The following DOCK2 variants were observed in gnomAD, a reference collection of about 807,000 sequenced individuals.
DOCK2 encodes dedicator of cytokinesis 2, also known as dedicator of cytokinesis protein 2.
DOCK2 carries 87 observed loss-of-function variants against 248.9 expected under a neutral mutation model. The ratio of observed to expected loss-of-function variants is 0.35; its 90% CI spans 0.29 to 0.42. DOCK2 has a LOEUF of 0.42. Among genes scored for constraint, DOCK2 ranks in the 10% least tolerant of loss-of-function variants. The pLI is 1.00. For synonymous variants in DOCK2, 805 were observed against 821.6 expected (o/e 0.98, Z 0.35); for missense variants, 1,747 against 2,300.2 (o/e 0.76, Z 4.92).
Position 170,018,549 on chromosome 5 carries a change from C to T in DOCK2, c.3233-411C>T, listed in dbSNP as rs181186282. On this transcript the variant is annotated intron_variant, in intron 32 of 51. Transcript: ENST00000520908. ...ATTTTGCTTTTCTCATTTCATAAAA[C>T]AGTTGGTAAAATCCCATTTAAAAAC... Among the ~76,000 whole-genome samples, 16 of 152,330 alleles carry T rather than the reference C, an allele frequency of 1.1e-4. No individual in the cohort carries two copies. The East Asian group carries it at 2.7e-3, about 26-fold the overall frequency.
chr5:169,915,617 A>G (rs1774834216), intron 27 of DOCK2, among the ~76,000 whole-genome samples: 1 of 151,594 alleles, frequency 6.6e-6, no homozygotes, highest in African/African-American at 2.4e-5. Flanking sequence ...GAGGGAGGGG[A>G]GAGAGAGAGA....
chr5:169,770,696 G>T (rs1228921869), intron 25 of DOCK2, among the ~76,000 whole-genome samples: 5 of 151,958 alleles, frequency 3.3e-5, no homozygotes, highest in African/African-American at 7.3e-5. Flanking sequence ...TGAACTTTAC[G>T]AAAAGTGTAT....
intron 29 of DOCK2, among the ~76,000 whole-genome samples, chr5:169,993,724 C>T (rs879168869): frequency 2.0e-5 from 3 of 152,220 alleles, no homozygotes; most frequent in Admixed American, 2.0e-4. Flanking sequence ...ACCCAAAATC[C>T]ACTGGCAGCT....
chr5:169,687,965 C>T (rs1240523520), intron 8 of DOCK2, among the ~76,000 whole-genome samples: 1 of 152,170 alleles, frequency 6.6e-6, no homozygotes, highest in Non-Finnish European at 1.5e-5. Context: ...TCCCTTTTCA[C>T]CCAGACTGGA....
At chr5:169,864,421 T>A in intron 27 of DOCK2, 1 of 1,549,780 alleles carries the variant, frequency 6.5e-7, no homozygotes, top group Admixed American at 2.0e-5. Context: ...CAAAACTTCA[T>A]GGAACCTGCC....
At chr5:169,824,870 C>T (rs1561737653) in intron 26 of DOCK2, among the ~76,000 whole-genome samples, 1 of 152,160 alleles carries the variant, frequency 6.6e-6, no homozygotes, top group South Asian at 2.1e-4. Flanking sequence ...TTGCAATCTA[C>T]TCATCTGACA....
intron 25 of DOCK2, among the ~76,000 whole-genome samples, chr5:169,785,037 T>C (rs1765911445): frequency 6.6e-6 from 1 of 152,204 alleles, no homozygotes; most frequent in African/African-American, 2.4e-5. Context: ...TCATGTCATG[T>C]CCTTTTTATG....
At chr5:170,023,513 T>C (rs2113826252) in intron 33 of DOCK2, among the ~76,000 whole-genome samples, 1 of 152,292 alleles carries the variant, frequency 6.6e-6, no homozygotes, top group East Asian at 1.9e-4. Context: ...GGGTAAGTTA[T>C]TTAACCTCTC....
At chr5:169,805,369 T>G (rs1053708469) in intron 26 of DOCK2, among the ~76,000 whole-genome samples, 6 of 152,196 alleles carry the variant, frequency 3.9e-5, no homozygotes, top group African/African-American at 1.4e-4. Context: ...GCCACTGCAC[T>G]TCAGCCCAGG....
intron 23 of DOCK2, among the ~76,000 whole-genome samples, chr5:169,751,818 T>G (rs550034802): frequency 6.6e-6 from 1 of 152,292 alleles, no homozygotes; most frequent in African/African-American, 2.4e-5. Flanking sequence ...GTTCCAGACA[T>G]GGAACTGGGA....
chr5:169,816,038 T>G (rs1015060642), intron 26 of DOCK2, among the ~76,000 whole-genome samples: 4 of 152,156 alleles, frequency 2.6e-5, no homozygotes, highest in African/African-American at 9.7e-5. Flanking sequence ...TTGAATTAAA[T>G]CTCCCCTTCG....
At chr5:169,671,870 T>G (rs1175286715) in intron 5 of DOCK2, among the ~76,000 whole-genome samples, 1 of 152,258 alleles carries the variant, frequency 6.6e-6, no homozygotes, top group East Asian at 1.9e-4. Flanking sequence ...GGACATTTCA[T>G]AATATGAAGA....
Position 169,714,407 on chromosome 5 carries a change from C to A in DOCK2, c.1891C>A (p.Gln631Lys). ...LKWRMKPQLL[Q>K]ENLEKLKIVD... ...GTGGCGTATGAAGCCTCAACTGCTA[C>A]AGGAGAATTTAGAAAAGTTGAAGAT... The change falls in exon 19 of 52, where the codon CAG becomes AAG. Residue 631 changes from glutamine to lysine, a missense_variant. By Grantham distance (53) the Gln-to-Lys change is moderately conservative. Transcript: ENST00000520908. The A allele has an allele frequency of 1.2e-6, 2 of 1,614,048 alleles. No homozygotes were observed. The highest frequency in any genetic ancestry group is 1.7e-6 in the Non-Finnish European group (2 of 1,179,974).
At chr5:169,817,113 G>T (rs1364129509) in intron 26 of DOCK2, among the ~76,000 whole-genome samples, 1 of 152,128 alleles carries the variant, frequency 6.6e-6, no homozygotes, top group Non-Finnish European at 1.5e-5. Context: ...GCCAGACCCT[G>T]CCTTTCCTAA....
At chr5:169,705,294 G>T (rs1175581787) in intron 14 of DOCK2, among the ~76,000 whole-genome samples, 16 of 152,230 alleles carry the variant, frequency 1.1e-4, no homozygotes, top group African/African-American at 3.9e-4. Flanking sequence ...ACCTGAGGGA[G>T]TCAAACAGGC....
chr5:169,697,726 G>T (rs999257279), intron 10 of DOCK2, among the ~76,000 whole-genome samples: 1 of 152,114 alleles, frequency 6.6e-6, no homozygotes, highest in African/African-American at 2.4e-5. Flanking sequence ...AGTGTTTGAC[G>T]TATTTTCTGT....
intron 44 of DOCK2, among the ~76,000 whole-genome samples, chr5:170,063,100 G>A (rs1396530768): frequency 6.6e-6 from 1 of 152,078 alleles, no homozygotes; most frequent in Non-Finnish European, 1.5e-5. Flanking sequence ...GGAGCAGAGG[G>A]GACTGGCATA....
At chr5:169,873,748 T>A (rs1350060451) in intron 27 of DOCK2, among the ~76,000 whole-genome samples, 1 of 152,168 alleles carries the variant, frequency 6.6e-6, no homozygotes, top group Non-Finnish European at 1.5e-5. Flanking sequence ...TAGCTTTGAG[T>A]GGCAGGCAAG....
chr5:169,980,903 C>G (rs1405064276), intron 27 of DOCK2, among the ~76,000 whole-genome samples: 1 of 152,168 alleles, frequency 6.6e-6, no homozygotes, highest in African/African-American at 2.4e-5. Flanking sequence ...GCATCATCAG[C>G]CATTGTCCCT....
Sources: allele counts gnomAD v4.1 joint callset (sites outside exome capture counted in the v4.1 genomes callset), GRCh38; gene constraint gnomAD v4.1.1; transcripts MANE v1.5; gene names NCBI Gene and HGNC (gene_info 2026-07-23, HGNC 2026-07-21).